Variants in GMDS observed in about 807,000 individuals in gnomAD.
GMDS encodes the protein GDP-mannose 4,6-dehydratase.
A neutral mutation model predicts 49.9 loss-of-function variants in GMDS; 20 were observed. The observed-to-expected ratio is 0.40, with a 90% CI of 0.28 to 0.58. GMDS has a LOEUF of 0.58. Ranked by LOEUF, GMDS falls within the 20% of genes least tolerant of loss-of-function variation. The pLI, the probability that GMDS is intolerant of heterozygous loss-of-function variation, is 0.42. For missense variants in GMDS, 362 were observed against 481.4 expected (o/e 0.75, Z 2.32); for synonymous variants, 177 against 178.6 (o/e 0.99, Z 0.07).
chr6:1,905,385 T>G (rs1393140189), intron 7 of GMDS, among the ~76,000 whole-genome samples: 1 of 143,708 alleles, frequency 7.0e-6, no homozygotes, highest in Non-Finnish European at 1.5e-5. Flanking sequence ...TAGCTGTGGG[T>G]GCTGGCGTGT....
chr6:2,029,861 A>C (rs1768840399), intron 4 of GMDS, among the ~76,000 whole-genome samples: 1 of 152,150 alleles, frequency 6.6e-6, no homozygotes, highest in Non-Finnish European at 1.5e-5. Context: ...ATAAATTTAA[A>C]TTTTGTGTCA....
intron 4 of GMDS, among the ~76,000 whole-genome samples, chr6:1,986,538 T>G (rs1006736375): frequency 6.6e-6 from 1 of 152,198 alleles, no homozygotes; most frequent in African/African-American, 2.4e-5. Flanking sequence ...TCTAAGAATG[T>G]GGTGCTACAT....
chr6:1,720,951 T>C (rs1357247873), intron 9 of GMDS, among the ~76,000 whole-genome samples: 1 of 152,028 alleles, frequency 6.6e-6, no homozygotes, highest in Non-Finnish European at 1.5e-5. Context: ...GGGGGACAGT[T>C]TCAGGACAAA....
chr6:1,641,867 TA>T (rs1423964005), intron 9 of GMDS, among the ~76,000 whole-genome samples: 1 of 152,194 alleles, frequency 6.6e-6, no homozygotes, highest in Non-Finnish European at 1.5e-5. Flanking sequence ...CTCTCTGACT[TA>T]CCTTCATGAA....
At chr6:2,038,821 A>G (rs1253214418) in intron 4 of GMDS, among the ~76,000 whole-genome samples, 2 of 152,210 alleles carry the variant, frequency 1.3e-5, no homozygotes, top group African/African-American at 2.4e-5. Context: ...ATAGTTGCTC[A>G]TTAATGGCAG....
At chr6:2,200,208 T>C (rs1338228049) in intron 1 of GMDS, among the ~76,000 whole-genome samples, 2 of 152,198 alleles carry the variant, frequency 1.3e-5, no homozygotes, top group Non-Finnish European at 2.9e-5. Flanking sequence ...AACAAATACA[T>C]GTGCCAGGTG....
chr6:2,018,548 T>C (rs1051411511), intron 4 of GMDS, among the ~76,000 whole-genome samples: 10 of 152,330 alleles, frequency 6.6e-5, no homozygotes, highest in Non-Finnish European at 1.0e-4. Context: ...TCTATGCCTA[T>C]AGATTTATCT....
intron 4 of GMDS, among the ~76,000 whole-genome samples, chr6:1,997,156 A>G (rs1054927692): frequency 6.6e-6 from 1 of 152,012 alleles, no homozygotes; most frequent in African/African-American, 2.4e-5. Context: ...GTTGGTTCTG[A>G]TAACTGCTTC....
At chr6:1,998,313 G>A (rs1297593379) in intron 4 of GMDS, among the ~76,000 whole-genome samples, 4 of 151,956 alleles carry the variant, frequency 2.6e-5, no homozygotes, top group South Asian at 2.1e-4. Context: ...GATCATCTAC[G>A]CACAAACTCC....
chr6:1,811,281 C>A (rs116443173), intron 7 of GMDS, among the ~76,000 whole-genome samples: 10 of 152,106 alleles, frequency 6.6e-5, no homozygotes, highest in Admixed American at 6.5e-4. Context: ...CATACTCTTG[C>A]GATCTTTTCT....
chr6:2,092,150 G>T (rs796824446), intron 4 of GMDS, among the ~76,000 whole-genome samples: 38 of 152,308 alleles, frequency 2.5e-4, no homozygotes, highest in African/African-American at 9.1e-4. Flanking sequence ...AACTAGAGTT[G>T]TTTGTGGATG....
At chr6:1,844,817 T>C (rs895300954) in intron 7 of GMDS, among the ~76,000 whole-genome samples, 4 of 152,224 alleles carry the variant, frequency 2.6e-5, no homozygotes, top group South Asian at 2.1e-4. Flanking sequence ...CTTTTATAAA[T>C]AGGTTAGCTT....
chr6:2,196,371 C>T (rs1272344085), intron 1 of GMDS, among the ~76,000 whole-genome samples: 1 of 152,222 alleles, frequency 6.6e-6, no homozygotes, highest in East Asian at 1.9e-4. Context: ...AAAGAGTTTA[C>T]TTTTACCAAA....
chr6:1,858,619 C>G (rs1191363524), intron 7 of GMDS, among the ~76,000 whole-genome samples: 3 of 151,784 alleles, frequency 2.0e-5, no homozygotes, highest in Non-Finnish European at 4.4e-5. Flanking sequence ...GGGATAAAAA[C>G]AGGGAGAGAA....
rs183215907 is a variant in GMDS at position 1,853,434 on chromosome 6, C to T, written c.771+76669G>A. Among the ~76,000 whole-genome samples the T allele has an allele frequency of 4.3e-3, 618 of 143,062 alleles. 5 individuals carry two copies. The highest frequency in any genetic ancestry group is 0.02 in the East Asian group (94 of 4,814). The allele number at this position is 143,062 out of a possible 152,430, so 93.9% of individuals were successfully genotyped here. A position where few individuals can be genotyped will look rare whatever the true frequency, so the allele number is the denominator to read the frequency against. On this transcript the variant is annotated intron_variant, in intron 7 of 10. Transcript: ENST00000380815. ...TGGGGAGGCTGAGGCAGGAGAATGG[C>T]GTGAACCCGGGAGGCGGAGCTTGCA...
chr6:1,803,091 T>C (rs2113662713), intron 7 of GMDS, among the ~76,000 whole-genome samples: 1 of 152,352 alleles, frequency 6.6e-6, no homozygotes, highest in Admixed American at 6.5e-5. Flanking sequence ...AAATTCTTTT[T>C]TCCCATTATG....
intron 1 of GMDS, among the ~76,000 whole-genome samples, chr6:2,162,717 T>G (rs1326240926): frequency 1.4e-5 from 2 of 141,714 alleles, no homozygotes; most frequent in African/African-American, 5.2e-5. Flanking sequence ...CACAAAACTT[T>G]CCTGGTGCTT....
At chr6:1,870,453 C>T (rs1758677305) in intron 7 of GMDS, among the ~76,000 whole-genome samples, 2 of 152,092 alleles carry the variant, frequency 1.3e-5, no homozygotes, top group Non-Finnish European at 2.9e-5. Context: ...CCCACCCCAG[C>T]CCCACAAACA....
intron 4 of GMDS, among the ~76,000 whole-genome samples, chr6:2,052,133 AAAAAAAAAAACAG>A (rs1007516403): frequency 3.4e-5 from 5 of 148,022 alleles, no homozygotes; most frequent in African/African-American, 1.2e-4. Flanking sequence ...AAAAAAAAGA[AAAAAAAAAAACAG>A]AAAAGAAAAA....
Sources: gnomAD v4.1 joint callset for allele counts (sites outside exome capture counted in the v4.1 genomes callset) on GRCh38, gnomAD v4.1.1 for gene constraint, MANE v1.5 for transcripts, NCBI Gene and HGNC (gene_info 2026-07-23, HGNC 2026-07-21) for gene names.